PTPRT: variants seen among roughly 807,000 people sequenced by gnomAD.
PTPRT encodes the protein receptor-type tyrosine-protein phosphatase T.
PTPRT carries 56 observed loss-of-function variants against 176.8 expected under a neutral mutation model. The ratio of observed to expected loss-of-function variants is 0.32; its 90% CI spans 0.26 to 0.40. PTPRT has a LOEUF of 0.40. PTPRT is among the 10% of genes least tolerant of loss of function. The probability of loss-of-function intolerance (pLI) is 1.00; values close to 1 mark genes in which losing one functional copy is unlikely to be tolerated. For missense variants in PTPRT, 1,540 were observed against 1,908.2 expected (o/e 0.81, Z 3.60); for synonymous variants, 783 against 739.0 (o/e 1.06, Z -0.96).
chr20:42,769,149 C>A (rs940832156), intron 5 of PTPRT, among the ~76,000 whole-genome samples: 19 of 152,114 alleles, frequency 1.2e-4, no homozygotes, highest in Admixed American at 6.5e-4. Flanking sequence ...TGTAAGCAAC[C>A]CTGGGAAGCA....
chr20:42,051,300 C>T, the PTPRT span, among the ~76,000 whole-genome samples: 121 of 152,216 alleles, frequency 7.9e-4, 2 homozygotes, highest in African/African-American at 2.8e-3. Flanking sequence ...GGATGCATTC[C>T]CACTGTCTTA....
chr20:42,217,376 TACACAC>T (rs71335847), intron 15 of PTPRT, among the ~76,000 whole-genome samples: 1,164 of 104,328 alleles, frequency 0.011, 17 homozygotes, highest in African/African-American at 0.034. Context: ...CTCTCAAACA[TACACAC>T]ACACACACAC....
the PTPRT span, among the ~76,000 whole-genome samples, chr20:42,065,933 T>TA: frequency 0.75 from 113,225 of 151,686 alleles, 42,532 homozygotes; most frequent in South Asian, 0.84. Context: ...AAATGTTTTT[T>TA]AAGTATTAAG....
At chr20:42,487,563 A>G (rs2071485232) in intron 7 of PTPRT, among the ~76,000 whole-genome samples, 1 of 151,996 alleles carries the variant, frequency 6.6e-6, no homozygotes, top group Non-Finnish European at 1.5e-5. Context: ...ATGTACTCAT[A>G]AGGGTCCTTA....
At chr20:42,303,874 C>T (rs367546237) in intron 12 of PTPRT, among the ~76,000 whole-genome samples, 1 of 152,072 alleles carries the variant, frequency 6.6e-6, no homozygotes, top group Admixed American at 6.6e-5. Flanking sequence ...AGCAGGAAAC[C>T]CAGACTTTGC....
chr20:42,869,539 A>C (rs2078808652), intron 2 of PTPRT, among the ~76,000 whole-genome samples: 1 of 152,178 alleles, frequency 6.6e-6, no homozygotes, highest in Non-Finnish European at 1.5e-5. Context: ...TTAAAATAGG[A>C]ATGTCTATCC....
intron 7 of PTPRT, among the ~76,000 whole-genome samples, chr20:42,523,144 A>G (rs2072206866): frequency 6.6e-6 from 1 of 152,152 alleles, no homozygotes; most frequent in Admixed American, 6.5e-5. Flanking sequence ...AAGATCCTTC[A>G]CAGTTTTAGC....
chr20:42,882,629 T>C (rs559878989), intron 2 of PTPRT, among the ~76,000 whole-genome samples: 6 of 152,214 alleles, frequency 3.9e-5, no homozygotes, highest in Non-Finnish European at 8.8e-5. Context: ...ATAAAGACTA[T>C]TTGCCCATCC....
At chr20:42,811,188 T>C (rs1014498780) in intron 2 of PTPRT, among the ~76,000 whole-genome samples, 1 of 152,188 alleles carries the variant, frequency 6.6e-6, no homozygotes, top group African/African-American at 2.4e-5. Flanking sequence ...ATACAAAGAT[T>C]GAAGTTTAAA....
the PTPRT span, among the ~76,000 whole-genome samples, chr20:42,039,377 C>T: frequency 6.6e-6 from 1 of 151,950 alleles, no homozygotes; most frequent in Non-Finnish European, 1.5e-5. Context: ...TTCAAATATA[C>T]AATATGTTAT....
chr20:42,800,997 T>A (rs1394243744), intron 2 of PTPRT, among the ~76,000 whole-genome samples: 6 of 152,154 alleles, frequency 3.9e-5, no homozygotes, highest in Non-Finnish European at 8.8e-5. Flanking sequence ...GGGGAATGTT[T>A]GTGTCTTTGT....
intron 27 of PTPRT, among the ~76,000 whole-genome samples, chr20:42,091,752 T>A (rs906284630): frequency 6.6e-6 from 1 of 152,092 alleles, no homozygotes; most frequent in African/African-American, 2.4e-5. Context: ...AGGCAGACTG[T>A]GAATGAAGGC....
Position 43,189,514 on chromosome 20 carries a change from C to G in PTPRT, c.88+132G>C. On this transcript the variant is annotated intron_variant, in intron 1 of 30. Transcript: ENST00000373187. The surrounding 1 kb of genome is among the most constrained non-coding windows in gnomAD (Gnocchi z 5.0). ...CTTCCCGCGCCTGCAAGCTGAGACC[C>G]GGGTTCCGGCCATGGGGACCCGCGC... is the stretch of plus-strand genomic sequence containing the variant. 4.1e-6 allele frequency: 2 copies of G among 486,294 alleles called. No homozygotes were observed. Among genetic ancestry groups the G allele is most frequent in the African/African-American group, 2.0e-5 (1 of 49,494 alleles). 30.1% of individuals were successfully genotyped at this position (486,294 alleles called of 1,614,324 possible). A position where few individuals can be genotyped will look rare whatever the true frequency, so the allele number is the denominator to read the frequency against.
intron 2 of PTPRT, among the ~76,000 whole-genome samples, chr20:42,863,777 G>C (rs1206408800): frequency 2.0e-5 from 3 of 152,186 alleles, no homozygotes; most frequent in Non-Finnish European, 4.4e-5. Context: ...TTGCTGTAAA[G>C]GATCTGAGGA....
At chr20:42,767,094 G>A (rs1474276811) in intron 5 of PTPRT, among the ~76,000 whole-genome samples, 1 of 152,184 alleles carries the variant, frequency 6.6e-6, no homozygotes, top group Non-Finnish European at 1.5e-5. Flanking sequence ...TGTCTTGGAT[G>A]GTGGCTGCGA....
At chr20:42,599,451 C>T (rs533002304) in intron 7 of PTPRT, among the ~76,000 whole-genome samples, 17 of 152,102 alleles carry the variant, frequency 1.1e-4, no homozygotes, top group Non-Finnish European at 1.9e-4. Context: ...GGATGAAATG[C>T]CCCCTGCCTT....
chr20:42,119,970 C>T lies in PTPRT; in HGVS notation c.2849G>A (p.Gly950Glu). The T allele has an allele frequency of 6.2e-7, 1 of 1,607,594 alleles. No homozygotes were observed. Among genetic ancestry groups the T allele is most frequent in the Admixed American group, 1.7e-5 (1 of 59,272 alleles). Residue 950 changes from glycine to glutamate, a missense_variant and splice_region_variant, in exon 20 of 31, where the codon GGA (glycine) becomes GAA (glutamate). Physicochemically the swap from Gly to Glu is moderately conservative, Grantham distance 98. Transcript: ENST00000373187. Reference sequence around the variant, plus strand: ...AATGTAGTGCCGAGGTCGATGGTATCCCTGGATAACAGGAGAAAAGCACTG... The same window carrying T: ...AATGTAGTGCCGAGGTCGATGGTATTCCTGGATAACAGGAGAAAAGCACTG... ...SDYINANYID[G>E]YHRPRHYIAT...
At chr20:42,751,034 T>A (rs1358559752) in intron 6 of PTPRT, among the ~76,000 whole-genome samples, 1 of 152,208 alleles carries the variant, frequency 6.6e-6, no homozygotes, top group Non-Finnish European at 1.5e-5. Context: ...AATTTGATAT[T>A]ACCTACCCTC....
rs569896677 is a variant in PTPRT at position 42,317,966 on chromosome 20, A to T, written c.1866-1970T>A. ...CAATCTCTCAAGAAATGCACACTAC[A>T]TCTGAGGGTGTACCATTTCCAAGTG... On this transcript the variant is annotated intron_variant, in intron 11 of 30. Coordinates refer to ENST00000373187, the MANE Select transcript of PTPRT (RefSeq NM_007050.6). Among the ~76,000 whole-genome samples, 15 of 152,244 alleles carry T rather than the reference A, an allele frequency of 9.9e-5. No individual in the cohort carries two copies. The South Asian group carries it at 3.1e-3, about 32-fold the overall frequency.
Sources: allele counts gnomAD v4.1 joint callset (sites outside exome capture counted in the v4.1 genomes callset), GRCh38; gene constraint gnomAD v4.1.1; non-coding constraint Gnocchi (gnomAD v3.1); transcripts MANE v1.5; gene names NCBI Gene and HGNC (gene_info 2026-07-23, HGNC 2026-07-21).